Variants in SCMH1 observed in about 807,000 individuals in gnomAD.
SCMH1 encodes polycomb protein SCMH1.
SCMH1 carries 37 observed loss-of-function variants against 70.8 expected under a neutral mutation model. That is an observed-to-expected ratio of 0.52 (90% CI 0.40 to 0.69). The LOEUF is 0.69. Among genes scored for constraint, SCMH1 ranks in the 30% least tolerant of loss-of-function variants. The pLI is 0.00. For synonymous variants in SCMH1, 292 were observed against 307.4 expected (o/e 0.95, Z 0.52); for missense variants, 607 against 827.3 (o/e 0.73, Z 3.27).
intron 1 of SCMH1, among the ~76,000 whole-genome samples, chr1:41,230,185 G>C (rs1363965597): frequency 2.0e-5 from 3 of 152,158 alleles, no homozygotes; most frequent in African/African-American, 7.2e-5. Flanking sequence ...CATTGGTGGA[G>C]GATAGGGTAC....
At chr1:41,186,159 G>T (rs1650147659) in exon 2 of SCMH1, 11 of 1,372,174 alleles carry the variant, frequency 8.0e-6, no homozygotes, top group Non-Finnish European at 1.0e-5. Flanking sequence ...AACCGGTCTA[G>T]GGGTTAAGAA....
At chr1:41,051,168 G>C (rs541548990) in intron 10 of SCMH1, among the ~76,000 whole-genome samples, 2 of 152,294 alleles carry the variant, frequency 1.3e-5, no homozygotes, top group Admixed American at 1.3e-4. Context: ...TCCCATGGGA[G>C]CTGAAAAATT....
At chr1:41,178,411 G>C (rs969648980) in intron 2 of SCMH1, among the ~76,000 whole-genome samples, 1 of 152,102 alleles carries the variant, frequency 6.6e-6, no homozygotes, top group African/African-American at 2.4e-5. Context: ...ATGTAAATGG[G>C]CTAAATGCTC....
At position 41,113,049 on chromosome 1, in the gene SCMH1, G is replaced by A. The variant is rs1354123343; in HGVS notation, c.745+234C>T. Reference sequence around the variant, plus strand: ...GCCTGAGAATAAACCAGGATATGTAGAGCAAAGAATTATTACTTTATCCCA... The same window carrying A: ...GCCTGAGAATAAACCAGGATATGTAAAGCAAAGAATTATTACTTTATCCCA... On this transcript the variant is annotated intron_variant, in intron 8 of 14. Transcript: ENST00000337495. This position sits in a 1 kb window ranked among gnomAD's most constrained non-coding sequence, Gnocchi z 4.3. Among the ~76,000 whole-genome samples the A allele has an allele frequency of 6.6e-6, 1 of 152,176 alleles. No individual in the cohort carries two copies. Among genetic ancestry groups the A allele is most frequent in the African/African-American group, 2.4e-5 (1 of 41,434 alleles).
intron 12 of SCMH1, among the ~76,000 whole-genome samples, chr1:41,039,479 CTTTTT>C (rs35830007): frequency 1.4e-5 from 2 of 145,482 alleles, no homozygotes; most frequent in African/African-American, 5.0e-5. Flanking sequence ...ATTGCAAATA[CTTTTT>C]TTTTTTTTTG....
intron 1 of SCMH1, among the ~76,000 whole-genome samples, chr1:41,199,614 G>A (rs566251768): frequency 3.3e-5 from 5 of 152,036 alleles, no homozygotes; most frequent in African/African-American, 1.2e-4. Flanking sequence ...TAATATTAAA[G>A]GTTGTCTGAT....
At chr1:41,107,807 T>C (rs545230717) in intron 8 of SCMH1, among the ~76,000 whole-genome samples, 2 of 152,322 alleles carry the variant, frequency 1.3e-5, no homozygotes, top group African/African-American at 2.4e-5. Context: ...CGTGAGCCAC[T>C]GCGCCTAGCC....
chr1:41,072,242 T>C (rs1267272093), intron 9 of SCMH1, among the ~76,000 whole-genome samples: 1 of 152,118 alleles, frequency 6.6e-6, no homozygotes, highest in Admixed American at 6.5e-5. Flanking sequence ...AAAATCCAAA[T>C]ACGTAATGAA....
exon 9 of SCMH1, chr1:41,075,225 G>A: frequency 6.2e-7 from 1 of 1,614,058 alleles, no homozygotes; most frequent in Non-Finnish European, 8.5e-7. Flanking sequence ...CTACCTTGCT[G>A]CCAGGTTTGG....
chr1:41,208,218 T>C (rs1244823029), intron 1 of SCMH1, among the ~76,000 whole-genome samples: 10 of 108,830 alleles, frequency 9.2e-5, no homozygotes, highest in African/African-American at 1.4e-4. Context: ...TAGGTGGGAA[T>C]TGAACAATGA....
At chr1:41,179,418 T>G (rs553313881) in intron 2 of SCMH1, among the ~76,000 whole-genome samples, 15 of 152,242 alleles carry the variant, frequency 9.9e-5, no homozygotes, top group African/African-American at 3.6e-4. Context: ...AAAAAATCAA[T>G]GAATCCAGGA....
chr1:41,184,212 T>G (rs1196784048), intron 2 of SCMH1, among the ~76,000 whole-genome samples: 1 of 152,208 alleles, frequency 6.6e-6, no homozygotes, highest in Admixed American at 6.5e-5. Flanking sequence ...CAGATTCAAC[T>G]AATACTTACC....
intron 2 of SCMH1, among the ~76,000 whole-genome samples, chr1:41,167,959 T>C (rs530773103): frequency 1.1e-3 from 163 of 146,676 alleles, no homozygotes; most frequent in African/African-American, 3.8e-3. Context: ...ATCATCCTAC[T>C]CTCTTCTGAT....
At chr1:41,067,815 C>T (rs561477570) in intron 10 of SCMH1, among the ~76,000 whole-genome samples, 23 of 152,172 alleles carry the variant, frequency 1.5e-4, no homozygotes, top group Middle Eastern at 3.4e-3. Context: ...GTGATAATAA[C>T]GAGTCAATGT....
At chr1:41,030,544 CCTT>C (rs1427920326) in intron 13 of SCMH1, among the ~76,000 whole-genome samples, 1 of 152,220 alleles carries the variant, frequency 6.6e-6, no homozygotes, top group East Asian at 1.9e-4. Flanking sequence ...ATGCCTGACT[CCTT>C]CTCAACATTT....
At chr1:41,084,040 C>T (rs1043014980) in intron 8 of SCMH1, among the ~76,000 whole-genome samples, 3 of 152,172 alleles carry the variant, frequency 2.0e-5, no homozygotes, top group Admixed American at 6.5e-5. Context: ...AAATCCTAGG[C>T]ATTACCATTC....
chr1:41,069,019 G>C (rs1353457156), intron 10 of SCMH1, among the ~76,000 whole-genome samples: 2 of 152,164 alleles, frequency 1.3e-5, no homozygotes, highest in African/African-American at 4.8e-5. Context: ...GATGTACACA[G>C]TAGGAAGAGA....
intron 1 of SCMH1, among the ~76,000 whole-genome samples, chr1:41,228,331 A>G (rs1454525110): frequency 6.6e-6 from 1 of 152,162 alleles, no homozygotes. Context: ...AGTTCTGGAG[A>G]TGGATGGTGA....
Position 41,056,759 on chromosome 1 carries a change from T to C in SCMH1, c.1106-7869A>G, listed in dbSNP as rs562230535. The stretch of plus-strand genomic sequence containing the variant: ...TGTCAGAGGCTCAGTGTGAAGAAGT[T>C]TGAGATTAAAACTCCAGGGAGTCCC... On this transcript the variant is annotated intron_variant, in intron 10 of 14. Coordinates refer to ENST00000337495, the Ensembl canonical transcript of SCMH1. Among the ~76,000 whole-genome samples, 23 of 152,282 alleles carry C rather than the reference T, an allele frequency of 1.5e-4. No individual in the cohort carries two copies. The South Asian group carries it at 4.8e-3, about 32-fold the overall frequency.
Sources: gnomAD v4.1 joint callset for allele counts (sites outside exome capture counted in the v4.1 genomes callset) on GRCh38, gnomAD v4.1.1 for gene constraint, Gnocchi (gnomAD v3.1) non-coding constraint, MANE v1.5 for transcripts, NCBI Gene and HGNC (gene_info 2026-07-23, HGNC 2026-07-21) for gene names.